SMC1A: variants seen among roughly 807,000 people sequenced by gnomAD.
SMC1A encodes the protein structural maintenance of chromosomes protein 1A.
SMC1A carries 4 observed loss-of-function variants against 94.5 expected under a neutral mutation model. The observed-to-expected ratio is 0.04, with a 90% CI of 0.02 to 0.10. The LOEUF (loss-of-function observed/expected upper bound fraction) is 0.10, where lower values mean the gene tolerates loss of function less well. SMC1A is among the 10% of genes least tolerant of loss of function. The pLI is 1.00. For missense variants in SMC1A, 304 were observed against 989.0 expected (o/e 0.31, Z 9.29); for synonymous variants, 345 against 347.7 (o/e 0.99, Z 0.09).
intron 7 of SMC1A, among the ~76,000 whole-genome samples, chrX:53,410,950 C>G (rs1286097146): frequency 2.7e-3 from 4 of 1,466 alleles, no homozygotes; most frequent in Non-Finnish European, 4.1e-3. Flanking sequence ...AAAAAAGTAG[C>G]CAGGCATGGT....
At chrX:53,386,791 C>A (rs1486124811) in intron 19 of SMC1A, among the ~76,000 whole-genome samples, 1 of 111,291 alleles carries the variant, frequency 9.0e-6, no homozygotes, top group Non-Finnish European at 1.9e-5. Context: ...AAAGAGTAAT[C>A]CCTAAAAATG....
chrX:53,404,154 G>C (rs371873660), intron 13 of SMC1A, among the ~76,000 whole-genome samples: 4 of 111,324 alleles, frequency 3.6e-5, no homozygotes, highest in Non-Finnish European at 5.7e-5. Flanking sequence ...CCCAGTCTTT[G>C]ATCTACAACC....
chrX:53,374,279 A>AAG lies in SMC1A; in HGVS notation c.*5823_*5824insCT, dbSNP rs1230614640. On this transcript the variant is annotated 3_prime_UTR_variant, in exon 25 of 25. Transcript: ENST00000322213. ...CCAAAGCAGCTCTAGAGCCTGGCTT[A>AAG]TCTTGTCACCCCCTCAGCTGCAGGC... 3 of 111,998 alleles carry AAG rather than the reference A, an allele frequency of 2.7e-5. No homozygotes were observed. The highest frequency in any genetic ancestry group is 9.7e-5 in the African/African-American group (3 of 30,801). The allele number at this position is 111,998 out of a possible 1,213,427, so 9.2% of individuals were successfully genotyped here.
chrX:53,416,327 AAATAATAAT>A (rs1181594063), intron 1 of SMC1A, among the ~76,000 whole-genome samples: 1 of 106,328 alleles, frequency 9.4e-6, no homozygotes, highest in Non-Finnish European at 1.9e-5. Context: ...AAATAAAATA[AAATAATAAT>A]AATAATAATA....
intron 1 of SMC1A, among the ~76,000 whole-genome samples, chrX:53,421,455 G>A (rs1463691789): frequency 1.8e-5 from 2 of 112,203 alleles, no homozygotes; most frequent in African/African-American, 3.2e-5. Flanking sequence ...CTTCAGCAAG[G>A]GCAGCCTCTT....
chrX:53,388,764 G>A (rs1244490397), intron 19 of SMC1A, among the ~76,000 whole-genome samples: 5 of 109,297 alleles, frequency 4.6e-5, no homozygotes, highest in South Asian at 3.9e-4. Context: ...CTGGGAGGCC[G>A]AGGCGGGTGG....
rs782576450 is a variant in SMC1A, at chrX:53,411,977, AC to A, written c.1113+17del. 3 of 1,209,160 alleles carry A rather than the reference AC, an allele frequency of 2.5e-6. No homozygotes were observed. In the South Asian group the frequency reaches 5.3e-5, roughly 21 times the overall value. On this transcript the variant is annotated intron_variant, in intron 6 of 24. Transcript: ENST00000322213. ...CAGCCCAGGGATCTCCTCCCTGCCAACCCCTTCCAGAGCTTACCTGATTCTC... is the reference window on the plus strand; with the variant it reads ...CAGCCCAGGGATCTCCTCCCTGCCAACCCTTCCAGAGCTTACCTGATTCTC...
chrX:53,401,556 T>C (rs1469044597), intron 15 of SMC1A, among the ~76,000 whole-genome samples: 1 of 111,497 alleles, frequency 9.0e-6, no homozygotes, highest in African/African-American at 3.3e-5. Context: ...TTCCAGTCTA[T>C]ATATTCATTT....
intron 16 of SMC1A, among the ~76,000 whole-genome samples, chrX:53,397,192 A>C (rs1602406159): frequency 8.9e-6 from 1 of 111,794 alleles, no homozygotes; most frequent in Admixed American, 9.6e-5. Context: ...GAAGGGGACT[A>C]GGATGAAGAG....
intron 23 of SMC1A, 136 bp from the exon 24 acceptor site, chrX:53,380,866 C>T (rs2075579661): frequency 1.6e-6 from 1 of 625,641 alleles, no homozygotes; most frequent in African/African-American, 2.2e-5. Flanking sequence ...GAGGAGACTA[C>T]TGACTACCAC....
At chrX:53,403,292 G>A (rs2075678979) in intron 15 of SMC1A, among the ~76,000 whole-genome samples, 1 of 108,361 alleles carries the variant, frequency 9.2e-6, no homozygotes, top group Non-Finnish European at 1.9e-5. Flanking sequence ...TGCAGATATT[G>A]CAGCTTACAG....
At chrX:53,392,621 TA>T (rs1318568751) in intron 19 of SMC1A, among the ~76,000 whole-genome samples, 2 of 110,894 alleles carry the variant, frequency 1.8e-5, no homozygotes, top group African/African-American at 6.5e-5. Flanking sequence ...CTAATTTTTG[TA>T]TTTTTAGTAG....
chrX:53,388,825 G>A (rs782234225), intron 19 of SMC1A, among the ~76,000 whole-genome samples: 12 of 106,965 alleles, frequency 1.1e-4, no homozygotes, highest in South Asian at 4.1e-4. Flanking sequence ...GTGAAACCCC[G>A]TCTACTAAAA....
chrX:53,394,731 T>TACC, intron 19 of SMC1A, 47 bp downstream of exon 19: 14 of 416,221 alleles, frequency 3.4e-5, no homozygotes, highest in Middle Eastern at 6.9e-4. Context: ...ATAGTCCCAC[T>TACC]CCCACCCAAC....
intron 18 of SMC1A, 94 bp downstream of exon 18, chrX:53,396,133 T>C (rs2075650223): frequency 1.5e-5 from 15 of 1,004,976 alleles, no homozygotes; most frequent in South Asian, 1.1e-4. Context: ...CCCACCATCT[T>C]TCTCTCTCTC....
rs2075575015 is a variant in SMC1A at position 53,379,795 on chromosome X, G to A, written c.*308C>T. ...CACATACATACCCACACACACAGTG[G>A]GCAAGAGGCCCAAGGGGCCCACGAT... On this transcript the variant is annotated 3_prime_UTR_variant, in exon 25 of 25. Coordinates refer to ENST00000322213, the MANE Select transcript of SMC1A (RefSeq NM_006306.4). 5.1e-6 allele frequency: 2 copies of A among 390,131 alleles called. No homozygotes were observed. Among genetic ancestry groups the A allele is most frequent in the Admixed American group, 4.3e-5 (1 of 23,448 alleles). 32.2% of individuals were successfully genotyped at this position (390,131 alleles called of 1,213,427 possible).
chrX:53,394,036 C>G (rs2075639978), intron 19 of SMC1A, among the ~76,000 whole-genome samples: 1 of 107,063 alleles, frequency 9.3e-6, no homozygotes, highest in South Asian at 4.2e-4. Flanking sequence ...GTAATCTCAG[C>G]TACTTGGGAG....
chrX:53,414,401 A>G (rs955047486), intron 3 of SMC1A, among the ~76,000 whole-genome samples: 5 of 111,626 alleles, frequency 4.5e-5, no homozygotes, highest in Non-Finnish European at 9.4e-5. Flanking sequence ...GCCCCACTCC[A>G]CAGTTTCTTC....
chrX:53,413,975 G>A (rs1197458885), intron 3 of SMC1A, among the ~76,000 whole-genome samples: 5 of 108,408 alleles, frequency 4.6e-5, no homozygotes, highest in African/African-American at 1.3e-4. Flanking sequence ...TACTTGGGAG[G>A]CTGAGGCAGG....
Sources: allele counts gnomAD v4.1 joint callset (sites outside exome capture counted in the v4.1 genomes callset), GRCh38; gene constraint gnomAD v4.1.1; transcripts MANE v1.5; gene names NCBI Gene and HGNC (gene_info 2026-07-23, HGNC 2026-07-21).